Variants in N4BP2L2 observed in about 807,000 individuals in gnomAD.
The protein encoded by N4BP2L2 is NEDD4-binding protein 2-like 2.
A neutral mutation model predicts 56.2 loss-of-function variants in N4BP2L2; 50 were observed. That is an observed-to-expected ratio of 0.89 (90% CI 0.71 to 1.13). The LOEUF is 1.13. Ranked by LOEUF, N4BP2L2 falls within the 50% of genes most tolerant of loss-of-function variation. N4BP2L2 has a pLI of 0.00. For missense variants in N4BP2L2, 689 were observed against 693.8 expected (o/e 0.99, Z 0.08); for synonymous variants, 203 against 223.6 (o/e 0.91, Z 0.82).
At chr13:32,499,907 T>C (rs1398148160) in intron 6 of N4BP2L2, among the ~76,000 whole-genome samples, 1 of 152,220 alleles carries the variant, frequency 6.6e-6, no homozygotes, top group Non-Finnish European at 1.5e-5. Context: ...ACACCATTCA[T>C]GGCAATGCTC....
chr13:32,481,790 G>A (rs1408316544), intron 6 of N4BP2L2, among the ~76,000 whole-genome samples: 1 of 152,044 alleles, frequency 6.6e-6, no homozygotes, highest in East Asian at 1.9e-4. Context: ...CTCTTATTCT[G>A]TAAATACCTG....
At chr13:32,464,698 C>T (rs1330907557) in intron 6 of N4BP2L2, among the ~76,000 whole-genome samples, 1 of 152,092 alleles carries the variant, frequency 6.6e-6, no homozygotes, top group Non-Finnish European at 1.5e-5. Flanking sequence ...AGTGTATTCT[C>T]TCTTCCTTAC....
At chr13:32,525,146 T>C (rs1422510694) in intron 3 of N4BP2L2, 1 of 152,236 alleles carries the variant, frequency 6.6e-6, no homozygotes. Context: ...CTGCCCTGTC[T>C]ATTCATTCAA....
chr13:32,433,946 A>G (rs567395145), intron 9 of N4BP2L2, among the ~76,000 whole-genome samples: 145 of 150,564 alleles, frequency 9.6e-4, no homozygotes, highest in African/African-American at 3.0e-3. Context: ...AAAAAAAAAA[A>G]AAAAGAAAAG....
In N4BP2L2 at chr13:32,466,020, C is replaced by T. The variant is rs535529523; in HGVS notation, c.366-21894G>A. ...TTTCAATATGCTGGTTGCAATCTACCGAATTGATTTTATGGCCCTCTAATT... is the reference window on the plus strand; with the variant it reads ...TTTCAATATGCTGGTTGCAATCTACTGAATTGATTTTATGGCCCTCTAATT... On this transcript the variant is annotated intron_variant, in intron 6 of 9. Coordinates refer to the N4BP2L2 transcript ENST00000357505. Among the ~76,000 whole-genome samples, 79 of 152,210 alleles carry T rather than the reference C, an allele frequency of 5.2e-4. No individual in the cohort carries two copies. The South Asian group carries it at 0.015, about 30-fold the overall frequency.
intron 6 of N4BP2L2, among the ~76,000 whole-genome samples, chr13:32,469,391 A>C (rs1014775361): frequency 3.9e-5 from 6 of 152,210 alleles, no homozygotes; most frequent in African/African-American, 1.4e-4. Flanking sequence ...GAGAAAGTAC[A>C]TACTTTTGTC....
At chr13:32,442,779 G>C in exon 7 of N4BP2L2, 1 of 1,613,650 alleles carries the variant, frequency 6.2e-7, no homozygotes, top group Non-Finnish European at 8.5e-7. Flanking sequence ...AAGATGCAGA[G>C]CACCTTAGTC....
At chr13:32,517,992 T>C (rs372346368) in exon 6 of N4BP2L2, 30 of 1,613,076 alleles carry the variant, frequency 1.9e-5, no homozygotes, top group Non-Finnish European at 2.4e-5. Context: ...AGACACACCA[T>C]GTTTATTCCT....
At chr13:32,535,725 T>C in intron 2 of N4BP2L2, 44 bp downstream of exon 2, 1 of 1,559,524 alleles carries the variant, frequency 6.4e-7, no homozygotes, top group African/African-American at 1.4e-5. Context: ...TTATAATTTT[T>C]AAATAATGAA....
intron 6 of N4BP2L2, among the ~76,000 whole-genome samples, chr13:32,447,919 T>C (rs2077294894): frequency 6.6e-6 from 1 of 152,236 alleles, no homozygotes; most frequent in African/African-American, 2.4e-5. Context: ...GCTTAAAAAG[T>C]AAACTATCAG....
intron 6 of N4BP2L2, chr13:32,480,698 T>C (rs2084464815): frequency 2.0e-6 from 2 of 1,010,322 alleles, no homozygotes; most frequent in South Asian, 2.8e-5. Context: ...TTCATAAACA[T>C]CATCTTGTTC....
intron 9 of N4BP2L2, among the ~76,000 whole-genome samples, chr13:32,433,220 A>G (rs1381217728): frequency 6.6e-6 from 1 of 152,228 alleles, no homozygotes; most frequent in Non-Finnish European, 1.5e-5. Context: ...AGCTATGTAC[A>G]TTACAAAAAA....
intron 6 of N4BP2L2, among the ~76,000 whole-genome samples, chr13:32,451,098 A>C (rs942002639): frequency 6.6e-6 from 1 of 152,110 alleles, no homozygotes; most frequent in East Asian, 1.9e-4. Flanking sequence ...CAACCACACA[A>C]CTGGAGAAGT....
rs1439896023 is a variant in N4BP2L2 at position 32,519,215 on chromosome 13, T to C, written c.1551-1212A>G. Reference sequence around the variant, plus strand: ...TGGGCCCAGGAGTTCAAGAGCCCAGTGTAGGCAATATGGCAAAACCGTCTC... The same window carrying C: ...TGGGCCCAGGAGTTCAAGAGCCCAGCGTAGGCAATATGGCAAAACCGTCTC... On this transcript the variant is annotated intron_variant, in intron 5 of 5. Coordinates refer to ENST00000267068, the Ensembl canonical transcript of N4BP2L2. 6.8e-5 allele frequency among the ~76,000 whole-genome samples: 10 copies of C among 147,236 alleles called. No individual in the cohort carries two copies. In the East Asian group the frequency reaches 2.0e-3, roughly 29 times the overall value.
chr13:32,440,365 G>C (rs1047634321), intron 7 of N4BP2L2, among the ~76,000 whole-genome samples: 3 of 152,154 alleles, frequency 2.0e-5, no homozygotes, highest in Non-Finnish European at 4.4e-5. Flanking sequence ...TACAGCTTCT[G>C]TCCCCAAGGA....
Position 32,492,375 on chromosome 13 carries a change from C to T in N4BP2L2, c.365+25482G>A, listed in dbSNP as rs903317411. On this transcript the variant is annotated intron_variant, in intron 6 of 9. Transcript: ENST00000357505. ...TCTGCTCACTGCAAGACCCGCCTCC[C>T]GGATTCACGCCATTCCCCTGCCTCA... Among the ~76,000 whole-genome samples, 4 of 150,826 alleles carry T rather than the reference C, an allele frequency of 2.7e-5. No individual in the cohort carries two copies. The South Asian group carries it at 6.3e-4, about 24-fold the overall frequency.
At chr13:32,477,174 C>A (rs1036310652) in intron 6 of N4BP2L2, 1 of 519,830 alleles carries the variant, frequency 1.9e-6, no homozygotes, top group East Asian at 4.7e-5. Flanking sequence ...GAGATCTACT[C>A]ATTTCTCCTT....
chr13:32,455,960 A>C (rs1035914471), intron 6 of N4BP2L2, among the ~76,000 whole-genome samples: 41 of 152,190 alleles, frequency 2.7e-4, no homozygotes, highest in African/African-American at 9.7e-4. Context: ...TCCCACCACC[A>C]CGACTGCCAT....
exon 7 of N4BP2L2, chr13:32,442,754 T>A: frequency 1.2e-6 from 2 of 1,613,416 alleles, no homozygotes; most frequent in Non-Finnish European, 1.7e-6. Flanking sequence ...AAAGAAGGAA[T>A]ATAATTTTTG....
Sources: allele counts gnomAD v4.1 joint callset (sites outside exome capture counted in the v4.1 genomes callset), GRCh38; gene constraint gnomAD v4.1.1; transcripts MANE v1.5; gene names NCBI Gene and HGNC (gene_info 2026-07-23, HGNC 2026-07-21).